The following ENTHD1 variants were observed in gnomAD, a reference collection of about 807,000 sequenced individuals.
ENTHD1 encodes ENTH domain-containing protein 1.
Under a neutral mutation model 39.1 loss-of-function variants are expected in ENTHD1, and 23 were observed. The observed-to-expected ratio is 0.59, with a 90% CI of 0.42 to 0.83. The LOEUF is 0.83. Ranked by LOEUF, ENTHD1 falls within the 40% of genes least tolerant of loss-of-function variation. The pLI is 0.00. For synonymous variants in ENTHD1, 230 were observed against 258.2 expected, an observed-to-expected ratio of 0.89 and a Z score of 1.05; for missense variants, 624 against 705.4, an observed-to-expected ratio of 0.88 and a Z score of 1.31.
At chr22:39,826,293 C>T (rs1246871556) in intron 4 of ENTHD1, among the ~76,000 whole-genome samples, 2 of 151,378 alleles carry the variant, frequency 1.3e-5, no homozygotes, top group African/African-American at 4.8e-5. Flanking sequence ...TTTGTCTTTG[C>T]CAGTCTTGTT....
chr22:39,875,714 G>T (rs1483565942), intron 2 of ENTHD1: 6 of 1,612,468 alleles, frequency 3.7e-6, no homozygotes, highest in Non-Finnish European at 2.5e-6. Context: ...CAGCATGAGT[G>T]CTTCTGCTGA....
chr22:39,787,804 T>C (rs1024480133), intron 5 of ENTHD1, among the ~76,000 whole-genome samples: 2 of 152,212 alleles, frequency 1.3e-5, no homozygotes, highest in African/African-American at 4.8e-5. Flanking sequence ...CAAGTGCTGA[T>C]ACAGAAACTA....
chr22:39,841,929 C>A (rs2065947232), intron 3 of ENTHD1, among the ~76,000 whole-genome samples: 1 of 150,444 alleles, frequency 6.6e-6, no homozygotes, highest in Admixed American at 6.6e-5. Context: ...TAGGGCAGGC[C>A]TGGTGGTGAC....
chr22:39,815,733 G>A lies in ENTHD1; in HGVS notation c.832+5260C>T, dbSNP rs74497891. ...ACAATACAATAACTTGATACATAAT[G>A]AGGATAGTATTCCACAGAAGAATAA... On this transcript the variant is annotated intron_variant, in intron 5 of 6. Coordinates refer to ENST00000325157, the MANE Select transcript of ENTHD1 (RefSeq NM_152512.4). Among the ~76,000 whole-genome samples the A allele has an allele frequency of 5.9e-3, 903 of 152,252 alleles. 4 individuals carry two copies. Among genetic ancestry groups the A allele is most frequent in the African/African-American group, 0.021 (862 of 41,546 alleles).
At chr22:39,865,631 C>G (rs188090052) in intron 2 of ENTHD1, among the ~76,000 whole-genome samples, 1 of 152,276 alleles carries the variant, frequency 6.6e-6, no homozygotes, top group South Asian at 2.1e-4. Context: ...CATGGATTCT[C>G]TGAAATCAGA....
At chr22:39,846,861 T>G (rs2065993090) in intron 3 of ENTHD1, among the ~76,000 whole-genome samples, 1 of 151,986 alleles carries the variant, frequency 6.6e-6, no homozygotes, top group African/African-American at 2.4e-5. Context: ...CTCACACCAG[T>G]TAGAATGGCA....
intron 3 of ENTHD1, among the ~76,000 whole-genome samples, chr22:39,838,559 C>T (rs1163323995): frequency 6.6e-6 from 1 of 152,048 alleles, no homozygotes; most frequent in East Asian, 1.9e-4. Flanking sequence ...TTCTGCTGAG[C>T]CCTGCTTGTA....
intron 5 of ENTHD1, among the ~76,000 whole-genome samples, chr22:39,799,825 G>A (rs1328294113): frequency 1.3e-5 from 2 of 152,214 alleles, no homozygotes; most frequent in Non-Finnish European, 2.9e-5. Flanking sequence ...TATCACTGGG[G>A]ACCCTGTCAC....
intron 3 of ENTHD1, among the ~76,000 whole-genome samples, chr22:39,844,609 T>C (rs1437227453): frequency 3.3e-5 from 5 of 151,994 alleles, no homozygotes; most frequent in Admixed American, 6.6e-5. Context: ...GAAACAGATA[T>C]AACTAAAATT....
At chr22:39,821,744 C>T (rs866859575) in intron 4 of ENTHD1, among the ~76,000 whole-genome samples, 13 of 152,190 alleles carry the variant, frequency 8.5e-5, no homozygotes, top group South Asian at 2.1e-4. Context: ...TTATTCCTTA[C>T]AGTTTGGGAG....
chr22:39,864,531 T>C (rs538750605), intron 2 of ENTHD1, among the ~76,000 whole-genome samples: 71 of 152,360 alleles, frequency 4.7e-4, no homozygotes, highest in African/African-American at 1.7e-3. Context: ...ATTTATTGTT[T>C]GTTTCCTCAC....
chr22:39,795,043 T>C (rs1203373464), intron 5 of ENTHD1, among the ~76,000 whole-genome samples: 1 of 152,350 alleles, frequency 6.6e-6, no homozygotes, highest in African/African-American at 2.4e-5. Flanking sequence ...TTGTCCTTCA[T>C]TCCACTGATG....
At chr22:39,848,018 G>C (rs1377352431) in intron 3 of ENTHD1, among the ~76,000 whole-genome samples, 4 of 152,200 alleles carry the variant, frequency 2.6e-5, no homozygotes, top group Non-Finnish European at 5.9e-5. Context: ...CCACTTCCAA[G>C]TTCAATCCAG....
At chr22:39,830,233 G>C (rs193065487) in intron 4 of ENTHD1, among the ~76,000 whole-genome samples, 1 of 151,922 alleles carries the variant, frequency 6.6e-6, no homozygotes, top group Non-Finnish European at 1.5e-5. Flanking sequence ...ACACCACCAC[G>C]CCCGGTAATT....
chr22:39,841,873 A>T (rs2065946709), intron 3 of ENTHD1, among the ~76,000 whole-genome samples: 1 of 152,082 alleles, frequency 6.6e-6, no homozygotes, highest in African/African-American at 2.4e-5. Context: ...AGCGGCTGGT[A>T]CTGGTTGTTC....
At position 39,859,159 on chromosome 22, in the gene ENTHD1, C is replaced by T. The variant is rs949626622; in HGVS notation, c.592+2606G>A. ...TTTCTTCTGCAGTTTCCTCTTCTCT[C>T]TCAGTCTTTGCAGAATTAAAGACAG... On this transcript the variant is annotated intron_variant, in intron 3 of 6. Transcript: ENST00000325157. Among the ~76,000 whole-genome samples, 9 of 152,354 alleles carry T rather than the reference C, an allele frequency of 5.9e-5. No homozygotes were observed. In the East Asian group the frequency reaches 1.7e-3, roughly 29 times the overall value.
Position 39,870,589 on chromosome 22 carries a change from G to C in ENTHD1, c.350-8582C>G, listed in dbSNP as rs566221187. Among the ~76,000 whole-genome samples the C allele has an allele frequency of 9.9e-5, 15 of 152,212 alleles. No individual in the cohort carries two copies. The East Asian group carries it at 2.9e-3, about 29-fold the overall frequency. On this transcript the variant is annotated intron_variant, in intron 2 of 6. Transcript: ENST00000325157. ...ATACCAGAAACACTTCAGAAAAATA[G>C]AAGAATATTTAGGATAAAGAGAAAA... is the stretch of plus-strand genomic sequence containing the variant.
chr22:39,806,999 G>C (rs2146625737), intron 5 of ENTHD1, among the ~76,000 whole-genome samples: 1 of 152,296 alleles, frequency 6.6e-6, no homozygotes, highest in African/African-American at 2.4e-5. Context: ...GGAGGTTAAA[G>C]GTGAGGCTGC....
intron 5 of ENTHD1, among the ~76,000 whole-genome samples, chr22:39,812,767 T>C (rs1007058315): frequency 6.6e-5 from 10 of 152,046 alleles, no homozygotes; most frequent in African/African-American, 2.4e-4. Flanking sequence ...GTTGATTACA[T>C]TGGATCCCTT....
Sources: gnomAD v4.1 joint callset for allele counts (sites outside exome capture counted in the v4.1 genomes callset) on GRCh38, gnomAD v4.1.1 for gene constraint, MANE v1.5 for transcripts, NCBI Gene and HGNC (gene_info 2026-07-23, HGNC 2026-07-21) for gene names.